Variants in PALB2 observed in about 807,000 individuals in gnomAD.
The protein encoded by PALB2 is partner and localizer of BRCA2, also known as mutant partner and localizer of BRCA2.
Under a neutral mutation model 107.4 loss-of-function variants are expected in PALB2, and 82 were observed. The ratio of observed to expected loss-of-function variants is 0.76; its 90% confidence interval spans 0.64 to 0.92. PALB2 has a LOEUF of 0.92. Ranked by LOEUF, PALB2 falls within the 40% of genes least tolerant of loss-of-function variation. The pLI, the probability that PALB2 is intolerant of heterozygous loss-of-function variation, is 0.00. For missense variants in PALB2, 1,374 were observed against 1,379.9 expected, an observed-to-expected ratio of 1.00 and a Z score of 0.07; for synonymous variants, 489 against 496.8, an observed-to-expected ratio of 0.98 and a Z score of 0.21.
chr16:23,603,713 A>G lies in PALB2; in HGVS notation c.3351-44T>C, dbSNP rs1966408600. 4 of 1,549,074 alleles carry G rather than the reference A, an allele frequency of 2.6e-6. No individual in the cohort carries two copies. The South Asian group carries it at 3.5e-5, about 14-fold the overall frequency. On this transcript the variant is annotated intron_variant, in intron 12 of 12. Coordinates refer to ENST00000261584, the MANE Select transcript of PALB2 (RefSeq NM_024675.4). ...GATATAATTCAGATTACATATCCAA[A>G]AAACAATTAAAAAAAAAAAAAAGGT...
At chr16:23,640,067 T>A (rs1967179945) in intron 1 of PALB2, among the ~76,000 whole-genome samples, 1 of 152,090 alleles carries the variant, frequency 6.6e-6, no homozygotes, top group Non-Finnish European at 1.5e-5. Flanking sequence ...AATTTTTGTA[T>A]TTTTAGTAGA....
intron 12 of PALB2, chr16:23,607,487 G>C (rs1455257613): frequency 7.0e-6 from 2 of 284,620 alleles, no homozygotes; most frequent in Non-Finnish European, 1.4e-5. Flanking sequence ...GTAGAGACTG[G>C]GTCTTGCTCT....
chr16:23,617,525 G>T (rs998273274), intron 10 of PALB2: 2 of 150,816 alleles, frequency 1.3e-5, no homozygotes, highest in African/African-American at 4.9e-5. Flanking sequence ...TTCACGACCA[G>T]TCTAGGCAAC....
intron 11 of PALB2, 113 bp from the exon 12 acceptor site, chr16:23,608,125 T>G: frequency 8.6e-7 from 1 of 1,164,758 alleles, no homozygotes; most frequent in African/African-American, 1.5e-5. Context: ...CGATAGGCTC[T>G]GAAGTATCCA....
intron 9 of PALB2, 137 bp downstream of exon 9, chr16:23,622,832 C>T (rs1567213479): frequency 2.1e-6 from 2 of 952,912 alleles, no homozygotes; most frequent in Non-Finnish European, 3.3e-6. Flanking sequence ...ATGTCATAAC[C>T]TAGTGTTGAT....
chr16:23,605,123 T>C (rs1427628968), intron 12 of PALB2, among the ~76,000 whole-genome samples: 1 of 152,188 alleles, frequency 6.6e-6, no homozygotes, highest in Non-Finnish European at 1.5e-5. Flanking sequence ...CACTGGTGCC[T>C]GAGGCATGGC....
At chr16:23,604,133 CAT>C (rs1300419880) in intron 12 of PALB2, among the ~76,000 whole-genome samples, 2 of 152,202 alleles carry the variant, frequency 1.3e-5, no homozygotes, top group Non-Finnish European at 2.9e-5. Context: ...ATCTTTATGA[CAT>C]ATATGTTTTT....
intron 12 of PALB2, 123 bp downstream of exon 12, chr16:23,607,741 A>T: frequency 1.7e-6 from 2 of 1,183,532 alleles, no homozygotes. Flanking sequence ...GAATATTCCT[A>T]TCATGATATA....
At chr16:23,631,297 A>C (rs1482808921) in intron 4 of PALB2, among the ~76,000 whole-genome samples, 1 of 148,898 alleles carries the variant, frequency 6.7e-6, no homozygotes, top group Non-Finnish European at 1.5e-5. Flanking sequence ...AAAAAAAAAA[A>C]AAAAAAAACT....
intron 4 of PALB2, among the ~76,000 whole-genome samples, chr16:23,632,808 T>C (rs2142400966): frequency 6.6e-6 from 1 of 152,342 alleles, no homozygotes; most frequent in Non-Finnish European, 1.5e-5. Flanking sequence ...TATTTCAAAC[T>C]ACTGGCTGGG....
intron 10 of PALB2, among the ~76,000 whole-genome samples, chr16:23,619,654 CA>C: frequency 6.6e-6 from 1 of 152,134 alleles, no homozygotes; most frequent in Non-Finnish European, 1.5e-5. Context: ...GTTCCTCTGA[CA>C]AACACTGATG....
intron 3 of PALB2, 23 bp downstream of exon 3, chr16:23,637,826 CA>C: frequency 6.5e-7 from 1 of 1,542,128 alleles, no homozygotes; most frequent in Non-Finnish European, 9.0e-7. Flanking sequence ...ATAAAGCAGG[CA>C]TAAGTGAATG....
At chr16:23,609,808 G>A (rs952828339) in intron 11 of PALB2, among the ~76,000 whole-genome samples, 4 of 152,088 alleles carry the variant, frequency 2.6e-5, no homozygotes, top group African/African-American at 9.7e-5. Flanking sequence ...GAGCCACCGC[G>A]CCTGGCCACC....
intron 12 of PALB2, among the ~76,000 whole-genome samples, chr16:23,605,404 G>GGTTT (rs113665401): frequency 9.9e-5 from 15 of 151,878 alleles, no homozygotes; most frequent in Non-Finnish European, 1.5e-4. Flanking sequence ...AGAAATAAGT[G>GGTTT]GTTTGTTTGT....
intron 7 of PALB2, among the ~76,000 whole-genome samples, chr16:23,625,647 A>G (rs1333517451): frequency 6.6e-6 from 1 of 151,876 alleles, no homozygotes; most frequent in African/African-American, 2.4e-5. Context: ...ATACAAAAAA[A>G]TTAGCCAGGC....
chr16:23,635,325 T>C lies in PALB2; in HGVS notation c.1221A>G (p.Glu407=), dbSNP rs1597096669. 1 of 1,614,130 alleles carries C rather than the reference T, an allele frequency of 6.2e-7. No individual in the cohort carries two copies. The highest frequency in any genetic ancestry group is 1.7e-5 in the Admixed American group (1 of 60,022). Residue 407 remains glutamate (E), a synonymous_variant, in exon 4 of 13, where the codon GAA becomes GAG. Coordinates refer to ENST00000261584, the MANE Select transcript of PALB2 (RefSeq NM_024675.4). ...TGCTTCGTGTTGTTCTAACATAATA[T>C]TCTGCAGGAAACAGAAGGCCTTCAG... The part of the protein sequence containing the change: ...TVPEGLLFPA[E]YYVRTTRSMS...
intron 11 of PALB2, among the ~76,000 whole-genome samples, chr16:23,611,463 A>ATTT (rs113152571): frequency 6.1e-5 from 9 of 146,444 alleles, no homozygotes; most frequent in South Asian, 2.2e-4. Context: ...TATTATTATT[A>ATTT]TTATTTTTTT....
intron 9 of PALB2, among the ~76,000 whole-genome samples, chr16:23,622,586 G>A (rs192166384): frequency 8.5e-5 from 13 of 152,202 alleles, no homozygotes; most frequent in Admixed American, 8.5e-4. Context: ...TGTAAAGATG[G>A]GGCCCTGCTA....
rs587781888 is a variant in PALB2 at position 23,630,050 on chromosome 16, T to G, written c.2104A>C (p.Ile702Leu). 3 of 1,614,022 alleles carry G rather than the reference T, an allele frequency of 1.9e-6. No homozygotes were observed. Among genetic ancestry groups the G allele is most frequent in the Middle Eastern group, 1.6e-4 (1 of 6,084 alleles). ...QHTKTGLSSS[I>L]LLYTPLNTVA... ...GTATTTAAAGGAGTATAAAGTAATA[T>G]GGATGAAGAAAGGCCCGTCTTTGTA... is the stretch of plus-strand genomic sequence containing the variant. The change falls in exon 5 of 13, where the codon ATA (isoleucine) becomes CTA (leucine). Residue 702 changes from isoleucine (I) to leucine (L), a missense_variant. Transcript: ENST00000261584.
Sources: allele counts gnomAD v4.1 joint callset (sites outside exome capture counted in the v4.1 genomes callset), GRCh38; gene constraint gnomAD v4.1.1; transcripts MANE v1.5; gene names NCBI Gene and HGNC (gene_info 2026-07-23, HGNC 2026-07-21).